The following KIF16B variants were observed in gnomAD, a reference collection of about 807,000 sequenced individuals.
The protein encoded by KIF16B is kinesin-like protein KIF16B.
In KIF16B, 98 loss-of-function variants were observed where a neutral mutation model predicts 156.3. The ratio of observed to expected loss-of-function variants is 0.63; its 90% CI spans 0.53 to 0.74. KIF16B has a LOEUF of 0.74. Among genes scored for constraint, KIF16B ranks in the 30% least tolerant of loss-of-function variants. The pLI is 0.00. For missense variants in KIF16B, 1,421 were observed against 1,606.5 expected (o/e 0.88, Z 1.97); for synonymous variants, 564 against 583.7 (o/e 0.97, Z 0.49).
At position 16,468,235 on chromosome 20, in the gene KIF16B, G is replaced by A. The variant is rs1403984189; in HGVS notation, c.1302+26056C>T. ...AGTAGGAGTAGCTGTACTGATTTCA[G>A]ACAGAGTAAATGTCAGAACTTAGAA... On this transcript the variant is annotated intron_variant, in intron 12 of 25. Transcript: ENST00000354981. Among the ~76,000 whole-genome samples, 3 of 152,158 alleles carry A rather than the reference G, an allele frequency of 2.0e-5. No homozygotes were observed. In the East Asian group the frequency reaches 5.8e-4, roughly 29 times the overall value.
chr20:16,345,046 C>G (rs1049179430), intron 23 of KIF16B, among the ~76,000 whole-genome samples: 2 of 152,180 alleles, frequency 1.3e-5, no homozygotes, highest in African/African-American at 2.4e-5. Context: ...ACCCTTGGGC[C>G]TCTGTCTTTG....
At chr20:16,366,934 T>C (rs1448158410) in intron 22 of KIF16B, 2 of 1,250,680 alleles carry the variant, frequency 1.6e-6, no homozygotes, top group Non-Finnish European at 2.0e-6. Flanking sequence ...AAGGTGATGA[T>C]AAAGATATTT....
chr20:16,432,357 G>A (rs1306136631), intron 12 of KIF16B, among the ~76,000 whole-genome samples: 1 of 152,052 alleles, frequency 6.6e-6, no homozygotes, highest in African/African-American at 2.4e-5. Context: ...AGATGCTCCT[G>A]GAGAATCTCC....
intron 12 of KIF16B, among the ~76,000 whole-genome samples, chr20:16,491,146 A>G (rs1302868241): frequency 6.6e-6 from 1 of 152,086 alleles, no homozygotes; most frequent in African/African-American, 2.4e-5. Flanking sequence ...TTGCTAGAGG[A>G]ACGGAAAGGG....
At chr20:16,377,641 G>A (rs1181544508) in intron 19 of KIF16B, among the ~76,000 whole-genome samples, 1 of 151,972 alleles carries the variant, frequency 6.6e-6, no homozygotes, top group Non-Finnish European at 1.5e-5. Flanking sequence ...GAAAGATCCT[G>A]CCCAAGGTAG....
intron 12 of KIF16B, 26 bp from the exon 13 acceptor site, chr20:16,430,008 A>G (rs1293645480): frequency 1.9e-6 from 3 of 1,589,676 alleles, no homozygotes; most frequent in Middle Eastern, 3.4e-4. Context: ...AAAGAAAAAG[A>G]AAAGGTTACT....
intron 17 of KIF16B, among the ~76,000 whole-genome samples, chr20:16,399,665 A>C (rs945496376): frequency 2.0e-5 from 3 of 152,164 alleles, no homozygotes; most frequent in African/African-American, 7.2e-5. Flanking sequence ...CACTTACAGG[A>C]GAAAGTTCAA....
chr20:16,469,449 AAAC>A (rs370091743), intron 12 of KIF16B, among the ~76,000 whole-genome samples: 25 of 152,110 alleles, frequency 1.6e-4, no homozygotes, highest in African/African-American at 6.0e-4. Flanking sequence ...ATGAAAATGA[AAAC>A]AACACTTATC....
intron 1 of KIF16B, among the ~76,000 whole-genome samples, chr20:16,570,859 T>C (rs1297816462): frequency 1.3e-5 from 2 of 152,186 alleles, no homozygotes; most frequent in South Asian, 2.1e-4. Context: ...CATATCCCAA[T>C]GTCCAATCCC....
intron 16 of KIF16B, among the ~76,000 whole-genome samples, chr20:16,405,395 G>T (rs1408159815): frequency 4.6e-5 from 7 of 152,028 alleles, no homozygotes; most frequent in African/African-American, 1.7e-4. Context: ...CTGAAACTGT[G>T]TACCAAAAAC....
At chr20:16,499,820 C>A (rs1038477011) in intron 10 of KIF16B, among the ~76,000 whole-genome samples, 2 of 152,154 alleles carry the variant, frequency 1.3e-5, no homozygotes, top group Non-Finnish European at 2.9e-5. Context: ...TAAAGAACGA[C>A]CTTCCTAAAT....
chr20:16,500,309 C>T (rs2068581672), intron 10 of KIF16B, among the ~76,000 whole-genome samples: 1 of 152,154 alleles, frequency 6.6e-6, no homozygotes, highest in Admixed American at 6.5e-5. Flanking sequence ...ATTGTGTTCA[C>T]GTCCTTTGCC....
chr20:16,504,415 G>A lies in KIF16B; in HGVS notation c.1133C>T (p.Ala378Val). The change falls in exon 10 of 26, where the codon GCT becomes GTT. Residue 378 changes from alanine to valine, a missense_variant. Coordinates refer to ENST00000354981, the MANE Select transcript of KIF16B (RefSeq NM_024704.5). Reference sequence around the variant, plus strand: ...CAGCGTTTTCAGTCTGGCTATTTCAGCTCGCAGCTCACGGATAAGTTTGAC... The same window carrying A: ...CAGCGTTTTCAGTCTGGCTATTTCAACTCGCAGCTCACGGATAAGTTTGAC... ...ANVKLIRELR[A>V]EIARLKTLLA... is the part of the protein sequence containing the mutation. 6.2e-7 allele frequency: 1 copy of A among 1,614,112 alleles called. No homozygotes were observed. The highest frequency in any genetic ancestry group is 8.5e-7 in the Non-Finnish European group (1 of 1,179,996).
At chr20:16,472,868 T>C (rs1243023569) in intron 12 of KIF16B, among the ~76,000 whole-genome samples, 1 of 152,162 alleles carries the variant, frequency 6.6e-6, no homozygotes, top group Non-Finnish European at 1.5e-5. Context: ...ACCGTTTGTT[T>C]TGAGTTAAAC....
intron 7 of KIF16B, among the ~76,000 whole-genome samples, chr20:16,506,467 G>A (rs916459125): frequency 1.3e-5 from 2 of 152,140 alleles, no homozygotes; most frequent in African/African-American, 4.8e-5. Context: ...CAGAAAACTA[G>A]GCACTGAGTG....
chr20:16,409,628 G>A (rs1256600906), intron 15 of KIF16B, among the ~76,000 whole-genome samples: 3 of 151,962 alleles, frequency 2.0e-5, no homozygotes, highest in Admixed American at 6.6e-5. Flanking sequence ...GGGGGAAAGG[G>A]TTACCAAAGC....
chr20:16,504,642 G>A, intron 9 of KIF16B, 95 bp from the exon 10 acceptor site: 1 of 959,250 alleles, frequency 1.0e-6, no homozygotes, highest in Non-Finnish European at 1.6e-6. Context: ...ATTAACCCCA[G>A]GTCATTGGAG....
At chr20:16,494,742 T>C (rs1169772677) in intron 11 of KIF16B, among the ~76,000 whole-genome samples, 2 of 152,248 alleles carry the variant, frequency 1.3e-5, no homozygotes, top group Non-Finnish European at 2.9e-5. Context: ...TATTTCTAAT[T>C]AGATGTGATT....
At chr20:16,499,260 C>T (rs1568607652) in intron 10 of KIF16B, among the ~76,000 whole-genome samples, 1 of 152,210 alleles carries the variant, frequency 6.6e-6, no homozygotes, top group African/African-American at 2.4e-5. Flanking sequence ...ACAAGAGTCA[C>T]TGTCCTCCAG....
Sources: gnomAD v4.1 joint callset for allele counts (sites outside exome capture counted in the v4.1 genomes callset) on GRCh38, gnomAD v4.1.1 for gene constraint, MANE v1.5 for transcripts, NCBI Gene and HGNC (gene_info 2026-07-23, HGNC 2026-07-21) for gene names.